ABCD3: variants seen among roughly 807,000 people sequenced by gnomAD.
ABCD3 encodes the protein ATP binding cassette subfamily D member 3, also known as ATP-binding cassette sub-family D member 3.
A neutral mutation model predicts 105.5 loss-of-function variants in ABCD3; 41 were observed. That is an observed-to-expected ratio of 0.39 (90% CI 0.30 to 0.50). ABCD3 has a LOEUF of 0.50. Among genes scored for constraint, ABCD3 ranks in the 20% least tolerant of loss-of-function variants. The pLI, the probability that ABCD3 is intolerant of heterozygous loss-of-function variation, is 0.84. For missense variants in ABCD3, 622 were observed against 806.3 expected, an observed-to-expected ratio of 0.77 and a Z score of 2.77; for synonymous variants, 258 against 269.0, an observed-to-expected ratio of 0.96 and a Z score of 0.40.
At chr1:94,428,440 TTA>T (rs1659552184) in intron 1 of ABCD3, among the ~76,000 whole-genome samples, 1 of 152,238 alleles carries the variant, frequency 6.6e-6, no homozygotes, top group African/African-American at 2.4e-5. Flanking sequence ...AGTCAACATG[TTA>T]TGTTTATAAT....
At chr1:94,418,801 C>T (rs1659130721) in intron 1 of ABCD3, 2 of 585,140 alleles carry the variant, frequency 3.4e-6, no homozygotes, top group African/African-American at 1.9e-5. Context: ...CGACCTCGCT[C>T]CACCCCGGGA....
chr1:94,506,098 A>G (rs1650336580), intron 20 of ABCD3, among the ~76,000 whole-genome samples: 1 of 152,208 alleles, frequency 6.6e-6, no homozygotes, highest in Admixed American at 6.5e-5. Context: ...AAACAGGTAC[A>G]ATAAAAATTA....
the ABCD3 span, among the ~76,000 whole-genome samples, chr1:94,398,077 T>C: frequency 2.0e-5 from 3 of 152,206 alleles, no homozygotes; most frequent in Non-Finnish European, 2.9e-5. Flanking sequence ...TTTATCAGTA[T>C]AGACTAATGA....
chr1:94,408,458 GT>G, the ABCD3 span, among the ~76,000 whole-genome samples: 2 of 151,846 alleles, frequency 1.3e-5, no homozygotes, highest in African/African-American at 4.8e-5. Context: ...GCTGGGCGTA[GT>G]GGCGGGTGCC....
At chr1:94,428,760 A>AC (rs767076386) in intron 1 of ABCD3, among the ~76,000 whole-genome samples, 6 of 148,974 alleles carry the variant, frequency 4.0e-5, no homozygotes, top group Non-Finnish European at 7.4e-5. Flanking sequence ...GTCCAATTGA[A>AC]CCTTTTTTTT....
chr1:94,390,780 T>C, the ABCD3 span, among the ~76,000 whole-genome samples: 2 of 152,184 alleles, frequency 1.3e-5, no homozygotes, highest in African/African-American at 2.4e-5. Flanking sequence ...AGTTAGTAAC[T>C]ATCCATATCC....
chr1:94,425,355 T>C (rs1659427623), intron 1 of ABCD3, among the ~76,000 whole-genome samples: 1 of 152,248 alleles, frequency 6.6e-6, no homozygotes, highest in Non-Finnish European at 1.5e-5. Context: ...TATATTTCCC[T>C]GTACATGACC....
At chr1:94,391,920 A>G in the ABCD3 span, among the ~76,000 whole-genome samples, 9 of 152,290 alleles carry the variant, frequency 5.9e-5, no homozygotes, top group Admixed American at 1.3e-4. Flanking sequence ...GAGGAGACCA[A>G]TCAGAGGTTC....
At chr1:94,510,098 A>T (rs1325730516) in intron 21 of ABCD3, among the ~76,000 whole-genome samples, 1 of 151,870 alleles carries the variant, frequency 6.6e-6, no homozygotes, top group African/African-American at 2.4e-5. Flanking sequence ...TCAATTTTGG[A>T]TCTTTCCTGC....
chr1:94,393,634 G>T, the ABCD3 span, among the ~76,000 whole-genome samples: 1 of 151,738 alleles, frequency 6.6e-6, no homozygotes, highest in African/African-American at 2.4e-5. Context: ...GTGAGACTCT[G>T]TCTCAAAAAA....
chr1:94,498,716 T>C (rs1232658578), intron 17 of ABCD3, 37 bp downstream of exon 17: 2 of 1,613,478 alleles, frequency 1.2e-6, no homozygotes, highest in African/African-American at 1.3e-5. Context: ...TGCAGTCTTA[T>C]TTTGCCATAC....
intron 1 of ABCD3, among the ~76,000 whole-genome samples, chr1:94,419,131 A>G (rs753825157): frequency 6.6e-6 from 1 of 152,174 alleles, no homozygotes. Flanking sequence ...GGTGGCTTCT[A>G]TGAAACTATT....
At chr1:94,446,791 C>A (rs1007978581) in intron 1 of ABCD3, among the ~76,000 whole-genome samples, 1 of 152,144 alleles carries the variant, frequency 6.6e-6, no homozygotes, top group Non-Finnish European at 1.5e-5. Flanking sequence ...TTGGTAAAGC[C>A]CCTGAAGTAT....
chr1:94,403,073 G>A, the ABCD3 span, among the ~76,000 whole-genome samples: 4 of 150,826 alleles, frequency 2.7e-5, no homozygotes, highest in Admixed American at 1.3e-4. Context: ...TTGTTCTTGC[G>A]ATAGTTTACT....
intron 2 of ABCD3, among the ~76,000 whole-genome samples, chr1:94,460,617 A>G (rs1647823277): frequency 6.6e-6 from 1 of 152,106 alleles, no homozygotes; most frequent in Non-Finnish European, 1.5e-5. Flanking sequence ...CAAATAAGAA[A>G]ATTAGAACAA....
At chr1:94,510,251 A>T (rs1467149578) in intron 21 of ABCD3, among the ~76,000 whole-genome samples, 2 of 151,968 alleles carry the variant, frequency 1.3e-5, no homozygotes, top group East Asian at 3.9e-4. Context: ...TTATGTACCC[A>T]TTAGTCATTC....
At chr1:94,472,967 TTTTAA>T (rs1194870367) in intron 4 of ABCD3, among the ~76,000 whole-genome samples, 4 of 152,208 alleles carry the variant, frequency 2.6e-5, no homozygotes, top group Non-Finnish European at 4.4e-5. Flanking sequence ...TTGTTCAAAT[TTTTAA>T]TAAAGTTTTA....
At chr1:94,488,941 C>T (rs960503517) in intron 13 of ABCD3, among the ~76,000 whole-genome samples, 1 of 151,684 alleles carries the variant, frequency 6.6e-6, no homozygotes, top group Admixed American at 6.6e-5. Flanking sequence ...GTATGATTGA[C>T]ATATAAGAAA....
intron 1 of ABCD3, among the ~76,000 whole-genome samples, chr1:94,440,419 C>T (rs1268408954): frequency 6.6e-6 from 1 of 152,174 alleles, no homozygotes; most frequent in Non-Finnish European, 1.5e-5. Context: ...TGCAGTTTCT[C>T]TTCGCAGGAG....
Sources: gnomAD v4.1 joint callset for allele counts (sites outside exome capture counted in the v4.1 genomes callset) on GRCh38, gnomAD v4.1.1 for gene constraint, MANE v1.5 for transcripts, NCBI Gene and HGNC (gene_info 2026-07-23, HGNC 2026-07-21) for gene names.